IQGAP2: variants seen among roughly 807,000 people sequenced by gnomAD.
The protein encoded by IQGAP2 is IQ motif containing GTPase activating protein 2.
IQGAP2 carries 173 observed loss-of-function variants against 201.3 expected under a neutral mutation model. The observed-to-expected ratio is 0.86, with a 90% CI of 0.76 to 0.98. IQGAP2 has a LOEUF of 0.98. Ranked by LOEUF, IQGAP2 falls within the 50% of genes least tolerant of loss-of-function variation. The pLI, the probability that IQGAP2 is intolerant of heterozygous loss-of-function variation, is 0.00. For synonymous variants in IQGAP2, 675 were observed against 673.9 expected (o/e 1.00, Z -0.03); for missense variants, 1,687 against 1,864.8 (o/e 0.90, Z 1.76).
chr5:76,700,063 A>G (rs1292562636), intron 33 of IQGAP2, among the ~76,000 whole-genome samples: 1 of 152,098 alleles, frequency 6.6e-6, no homozygotes, highest in Non-Finnish European at 1.5e-5. Context: ...TACACTATAC[A>G]CTAAATATAG....
At position 76,692,779 on chromosome 5, in the gene IQGAP2, A is replaced by G. The variant is rs1325103155; in HGVS notation, c.3906-576A>G. ...TTAGTTGCTCAGGCCCTTGAACACC[A>G]TCCTCCTCGCTGCTGTGTCAGCTGA... On this transcript the variant is annotated intron_variant, in intron 30 of 35. Coordinates refer to ENST00000274364, the MANE Select transcript of IQGAP2 (RefSeq NM_006633.5). Among the ~76,000 whole-genome samples the G allele has an allele frequency of 2.6e-5, 4 of 152,274 alleles. No individual in the cohort carries two copies. The East Asian group carries it at 7.7e-4, about 29-fold the overall frequency.
intron 3 of IQGAP2, among the ~76,000 whole-genome samples, chr5:76,562,851 A>G (rs1340731358): frequency 6.6e-6 from 1 of 152,196 alleles, no homozygotes; most frequent in Non-Finnish European, 1.5e-5. Flanking sequence ...AAGTGGGGGC[A>G]TGCTACCACT....
At chr5:76,608,705 T>C (rs894980414) in intron 12 of IQGAP2, among the ~76,000 whole-genome samples, 1 of 152,236 alleles carries the variant, frequency 6.6e-6, no homozygotes, top group African/African-American at 2.4e-5. Flanking sequence ...GCTGAATGCA[T>C]TTCCTCAGGC....
intron 2 of IQGAP2, among the ~76,000 whole-genome samples, chr5:76,502,331 G>A (rs977763667): frequency 3.3e-5 from 5 of 152,174 alleles, no homozygotes; most frequent in African/African-American, 9.7e-5. Flanking sequence ...GATGGTAGTG[G>A]TTAACCTCAC....
chr5:76,672,242 C>T lies in IQGAP2; in HGVS notation c.3068+259C>T, dbSNP rs111422822. Among the ~76,000 whole-genome samples the T allele has an allele frequency of 4.9e-3, 740 of 152,280 alleles. 10 individuals are homozygous for T. Among genetic ancestry groups the T allele is most frequent in the African/African-American group, 0.016 (682 of 41,546 alleles). On this transcript the variant is annotated intron_variant, in intron 24 of 35. Coordinates refer to ENST00000274364, the MANE Select transcript of IQGAP2 (RefSeq NM_006633.5). ...TTTATTTTCTTTGTGTATTTCTAAA[C>T]CTAGACCTAGAGATGGTGTAGACTC...
intron 13 of IQGAP2, among the ~76,000 whole-genome samples, chr5:76,615,234 C>A (rs1028460097): frequency 6.6e-6 from 1 of 152,120 alleles, no homozygotes. Flanking sequence ...GTGCTTTTAA[C>A]GAATATTGCT....
chr5:76,662,136 C>T (rs1257017742), intron 21 of IQGAP2, among the ~76,000 whole-genome samples: 1 of 152,214 alleles, frequency 6.6e-6, no homozygotes, highest in Admixed American at 6.5e-5. Context: ...TTCACACAAG[C>T]ACATTCTGGA....
intron 2 of IQGAP2, among the ~76,000 whole-genome samples, chr5:76,546,686 T>C (rs535746254): frequency 1.6e-4 from 24 of 152,294 alleles, no homozygotes; most frequent in Non-Finnish European, 2.8e-4. Flanking sequence ...GTAGTCAGGA[T>C]TGGCAGTAAC....
rs1744259198 is a variant in IQGAP2, at chr5:76,560,130, T to C, written c.147-2266T>C. Reference sequence around the variant, plus strand: ...TTTATTTAGAAGTTTGTTGATGTTTTTGTGACCAGAAATATGCAATAGGAA... The same window carrying C: ...TTTATTTAGAAGTTTGTTGATGTTTCTGTGACCAGAAATATGCAATAGGAA... On this transcript the variant is annotated intron_variant, in intron 2 of 35. Transcript: ENST00000274364. Among the ~76,000 whole-genome samples the C allele has an allele frequency of 1.3e-5, 2 of 152,178 alleles. 1 individual carries two copies. Among genetic ancestry groups the C allele is most frequent in the South Asian group, 4.1e-4 (2 of 4,828 alleles).
At chr5:76,643,016 G>A (rs773956389) in intron 17 of IQGAP2, among the ~76,000 whole-genome samples, 10 of 151,832 alleles carry the variant, frequency 6.6e-5, no homozygotes, top group South Asian at 2.1e-4. Context: ...GCCTGAGTGA[G>A]CCAGAAAAAA....
chr5:76,564,892 G>A (rs1029261264), intron 3 of IQGAP2, among the ~76,000 whole-genome samples: 2 of 152,186 alleles, frequency 1.3e-5, no homozygotes, highest in Admixed American at 1.3e-4. Context: ...TGTGGCGTGG[G>A]AGCCCATCCT....
intron 2 of IQGAP2, among the ~76,000 whole-genome samples, chr5:76,529,817 A>AT (rs1759186930): frequency 6.6e-6 from 1 of 152,130 alleles, no homozygotes; most frequent in Non-Finnish European, 1.5e-5. Context: ...TTATGTATTT[A>AT]TCAGGGGCTT....
chr5:76,654,976 A>C lies in IQGAP2; in HGVS notation c.2293A>C (p.Lys765Gln). 1 of 1,612,852 alleles carries C rather than the reference A, an allele frequency of 6.2e-7. No homozygotes were observed. Among genetic ancestry groups the C allele is most frequent in the African/African-American group, 1.3e-5 (1 of 75,034 alleles). Residue 765 changes from lysine (K) to glutamine (Q), a missense_variant, in exon 20 of 36, where the codon AAA (lysine) becomes CAA (glutamine). Coordinates refer to ENST00000274364, the MANE Select transcript of IQGAP2 (RefSeq NM_006633.5). ...VKIQSLLRANKARDDYKTLVG... is the reference protein window; with the variant it reads ...VKIQSLLRANQARDDYKTLVG... ...AATACAGTCACTGTTGAGAGCGAAC[A>C]AAGCTAGAGATGACTACAAAACATT...
chr5:76,701,127 G>T lies in IQGAP2; in HGVS notation c.4419G>T (p.Ala1473=), dbSNP rs190325896. The T allele has an allele frequency of 6.2e-7, 1 of 1,614,076 alleles. No individual in the cohort carries two copies. Among genetic ancestry groups the T allele is most frequent in the Non-Finnish European group, 8.5e-7 (1 of 1,179,894 alleles). The part of the protein sequence containing the change: ...KLDGKGEPKG[A]KRAKPVKYTA... ...ATGGAAAAGGAGAACCCAAAGGGGC[G>T]AAGAGAGCGAAGCCAGTGAAGTACA... is the stretch of plus-strand genomic sequence containing the variant. The change falls in exon 34 of 36, where the codon GCG becomes GCT. Residue 1473 remains alanine (A), a synonymous_variant. Coordinates refer to ENST00000274364, the MANE Select transcript of IQGAP2 (RefSeq NM_006633.5).
chr5:76,515,176 G>A (rs1347733816), intron 2 of IQGAP2, among the ~76,000 whole-genome samples: 1 of 152,100 alleles, frequency 6.6e-6, no homozygotes, highest in Admixed American at 6.5e-5. Context: ...GCAAAAGAAG[G>A]GCACGTACTT....
chr5:76,611,236 G>A, intron 13 of IQGAP2, 53 bp downstream of exon 13: 1 of 1,403,102 alleles, frequency 7.1e-7, no homozygotes, highest in African/African-American at 1.4e-5. Flanking sequence ...GGTGGCAGAG[G>A]GAGAGAAGGA....
intron 1 of IQGAP2, among the ~76,000 whole-genome samples, chr5:76,415,579 A>G (rs1457184002): frequency 6.6e-6 from 1 of 152,250 alleles, no homozygotes; most frequent in East Asian, 1.9e-4. Context: ...GTGTACATGC[A>G]TAGAGAATGA....
intron 6 of IQGAP2, 64 bp from the exon 7 acceptor site, chr5:76,589,551 C>T: frequency 1.2e-6 from 1 of 865,984 alleles, no homozygotes; most frequent in Non-Finnish European, 1.8e-6. Context: ...TGTACTCATT[C>T]CTGCATCCAT....
At chr5:76,414,873 C>T (rs185201963) in intron 1 of IQGAP2, among the ~76,000 whole-genome samples, 3 of 152,282 alleles carry the variant, frequency 2.0e-5, no homozygotes, top group African/African-American at 7.2e-5. Flanking sequence ...CTGCCTGTAA[C>T]TTTTCACATT....
Sources: gnomAD v4.1 joint callset for allele counts (sites outside exome capture counted in the v4.1 genomes callset) on GRCh38, gnomAD v4.1.1 for gene constraint, MANE v1.5 for transcripts, NCBI Gene and HGNC (gene_info 2026-07-23, HGNC 2026-07-21) for gene names.